The following PPP1R12B variants were observed in gnomAD, a reference collection of about 807,000 sequenced individuals.
PPP1R12B encodes myosin phosphatase target subunit 2.
Under a neutral mutation model 126.1 loss-of-function variants are expected in PPP1R12B, and 76 were observed. That is an observed-to-expected ratio of 0.60 (90% CI 0.50 to 0.73). The LOEUF is 0.73. Among genes scored for constraint, PPP1R12B ranks in the 30% least tolerant of loss-of-function variants. The probability of loss-of-function intolerance (pLI) is 0.00; values close to 1 mark genes in which losing one functional copy is unlikely to be tolerated. For missense variants in PPP1R12B, 1,052 were observed against 1,205.1 expected (o/e 0.87, Z 1.88); for synonymous variants, 356 against 434.7 (o/e 0.82, Z 2.25).
chr1:202,464,949 G>C (rs562714869), intron 13 of PPP1R12B, among the ~76,000 whole-genome samples: 1 of 152,122 alleles, frequency 6.6e-6, no homozygotes, highest in Non-Finnish European at 1.5e-5. Context: ...GAAGATGAAT[G>C]GTATAGGATG....
intron 23 of PPP1R12B, chr1:202,574,797 C>A: frequency 2.0e-6 from 1 of 508,940 alleles, no homozygotes; most frequent in Non-Finnish European, 3.5e-6. Flanking sequence ...CATAGCTCTC[C>A]TTCCCTGTTG....
chr1:202,500,276 A>T (rs1423126941), intron 18 of PPP1R12B, among the ~76,000 whole-genome samples: 1 of 152,004 alleles, frequency 6.6e-6, no homozygotes, highest in Admixed American at 6.6e-5. Context: ...TTTCAAAGAG[A>T]TATCTGCACC....
intron 18 of PPP1R12B, among the ~76,000 whole-genome samples, chr1:202,532,860 CTTTTTTTTTTTTT>C (rs375983770): frequency 2.1e-5 from 2 of 93,814 alleles, no homozygotes; most frequent in Admixed American, 1.2e-4. Flanking sequence ...ATCACATTCA[CTTTTTTTTTTTTT>C]TTTTTTTTTT....
intron 1 of PPP1R12B, among the ~76,000 whole-genome samples, chr1:202,363,037 T>C (rs987697224): frequency 6.6e-6 from 1 of 152,204 alleles, no homozygotes; most frequent in Admixed American, 6.5e-5. Flanking sequence ...TTTCGCCATG[T>C]TGATCAGGCT....
At chr1:202,501,175 T>C (rs1680188534) in intron 18 of PPP1R12B, among the ~76,000 whole-genome samples, 1 of 152,238 alleles carries the variant, frequency 6.6e-6, no homozygotes, top group Non-Finnish European at 1.5e-5. Flanking sequence ...ATCTGCATCT[T>C]AATTTGAGGA....
intron 18 of PPP1R12B, among the ~76,000 whole-genome samples, chr1:202,536,444 G>C (rs1056157556): frequency 3.9e-5 from 6 of 152,152 alleles, no homozygotes; most frequent in African/African-American, 1.2e-4. Context: ...TGATATACCT[G>C]TATAGGGCAT....
chr1:202,537,468 AG>A (rs1684667345), intron 18 of PPP1R12B, among the ~76,000 whole-genome samples: 1 of 152,234 alleles, frequency 6.6e-6, no homozygotes, highest in Non-Finnish European at 1.5e-5. Flanking sequence ...TCGGTTATGC[AG>A]GGCATGACTG....
chr1:202,560,463 C>T (rs1470551069), intron 19 of PPP1R12B, among the ~76,000 whole-genome samples: 1 of 152,130 alleles, frequency 6.6e-6, no homozygotes, highest in Non-Finnish European at 1.5e-5. Context: ...TTCATGCCTG[C>T]CCTTTTTAGA....
chr1:202,530,617 T>C (rs559379405), intron 18 of PPP1R12B, among the ~76,000 whole-genome samples: 3 of 152,176 alleles, frequency 2.0e-5, no homozygotes, highest in Non-Finnish European at 4.4e-5. Flanking sequence ...CACTAGGGCA[T>C]GATTAAATAT....
At chr1:202,390,298 A>G (rs1306583651) in intron 1 of PPP1R12B, among the ~76,000 whole-genome samples, 1 of 152,224 alleles carries the variant, frequency 6.6e-6, no homozygotes, top group Non-Finnish European at 1.5e-5. Context: ...ACCTAAATGT[A>G]AAAGCTAAAG....
chr1:202,418,506 C>T (rs1216574908), intron 2 of PPP1R12B, among the ~76,000 whole-genome samples: 1 of 151,342 alleles, frequency 6.6e-6, no homozygotes. Context: ...TTTAATTCGT[C>T]TTTATGAACA....
At chr1:202,355,574 CT>C (rs1244371561) in intron 1 of PPP1R12B, among the ~76,000 whole-genome samples, 1 of 152,076 alleles carries the variant, frequency 6.6e-6, no homozygotes, top group Non-Finnish European at 1.5e-5. Flanking sequence ...GGGTGACATC[CT>C]AGAGGGCTTT....
At chr1:202,578,299 A>T (rs985893640) in intron 23 of PPP1R12B, among the ~76,000 whole-genome samples, 5 of 152,236 alleles carry the variant, frequency 3.3e-5, no homozygotes, top group African/African-American at 1.2e-4. Flanking sequence ...AGTGAAATGT[A>T]ATCCATTGCC....
chr1:202,358,291 G>A (rs1473995048), intron 1 of PPP1R12B, among the ~76,000 whole-genome samples: 4 of 152,100 alleles, frequency 2.6e-5, no homozygotes, highest in African/African-American at 9.7e-5. Context: ...TGTTTCTTCT[G>A]ATCTTAGATT....
chr1:202,560,875 G>A (rs1687448239), intron 19 of PPP1R12B, among the ~76,000 whole-genome samples: 2 of 152,040 alleles, frequency 1.3e-5, no homozygotes, highest in Non-Finnish European at 2.9e-5. Flanking sequence ...AGTGAAGTGG[G>A]AAAAAATATT....
intron 21 of PPP1R12B, among the ~76,000 whole-genome samples, chr1:202,564,798 A>C (rs1687909244): frequency 6.6e-6 from 1 of 152,230 alleles, no homozygotes; most frequent in Non-Finnish European, 1.5e-5. Context: ...ATGGCTCATC[A>C]TCTACTTATT....
intron 1 of PPP1R12B, among the ~76,000 whole-genome samples, chr1:202,408,249 T>G (rs1666889101): frequency 6.6e-6 from 1 of 152,160 alleles, no homozygotes; most frequent in Non-Finnish European, 1.5e-5. Flanking sequence ...CAATTAGTAT[T>G]TCTATCCCAG....
intron 12 of PPP1R12B, among the ~76,000 whole-genome samples, chr1:202,446,392 T>C (rs1229112350): frequency 6.8e-6 from 1 of 148,030 alleles, no homozygotes; most frequent in Non-Finnish European, 1.5e-5. Context: ...TAGCTGGGAC[T>C]ACAGGCGCAT....
chr1:202,545,177 C>G (rs989301382), intron 18 of PPP1R12B, among the ~76,000 whole-genome samples: 1 of 152,164 alleles, frequency 6.6e-6, no homozygotes, highest in South Asian at 2.1e-4. Context: ...CCATTTTTTC[C>G]GCCTAATTAA....
Sources: gnomAD v4.1 joint callset for allele counts (sites outside exome capture counted in the v4.1 genomes callset) on GRCh38, gnomAD v4.1.1 for gene constraint, MANE v1.5 for transcripts, NCBI Gene and HGNC (gene_info 2026-07-23, HGNC 2026-07-21) for gene names.